The following GPC6 variants were observed in gnomAD, a reference collection of about 807,000 sequenced individuals.
GPC6 encodes glypican 6.
Under a neutral mutation model 55.2 loss-of-function variants are expected in GPC6, and 14 were observed. That is an observed-to-expected ratio of 0.25 (90% confidence interval 0.17 to 0.40). GPC6 has a LOEUF of 0.40. Among genes scored for constraint, GPC6 ranks in the 10% least tolerant of loss-of-function variants. The pLI is 1.00. For missense variants in GPC6, 641 were observed against 708.5 expected, an observed-to-expected ratio of 0.90 and a Z score of 1.08; for synonymous variants, 278 against 259.6, an observed-to-expected ratio of 1.07 and a Z score of -0.68.
chr13:93,312,133 G>A (rs780260681), intron 1 of GPC6, among the ~76,000 whole-genome samples: 15 of 152,086 alleles, frequency 9.9e-5, no homozygotes, highest in Non-Finnish European at 1.9e-4. Context: ...CAAACAAACA[G>A]CTTCTCTTTT....
intron 2 of GPC6, among the ~76,000 whole-genome samples, chr13:93,675,202 T>G (rs1401703970): frequency 6.6e-6 from 1 of 152,166 alleles, no homozygotes; most frequent in Admixed American, 6.6e-5. Flanking sequence ...CTAATGTTTA[T>G]GCAACTCCAG....
At chr13:94,045,412 A>T (rs936581682) in intron 4 of GPC6, among the ~76,000 whole-genome samples, 2 of 152,086 alleles carry the variant, frequency 1.3e-5, no homozygotes, top group Middle Eastern at 3.4e-3. Context: ...TTATTTAAAA[A>T]AATTCAAATA....
intron 3 of GPC6, among the ~76,000 whole-genome samples, chr13:93,947,967 A>G (rs1879087143): frequency 6.6e-6 from 1 of 152,146 alleles, no homozygotes; most frequent in South Asian, 2.1e-4. Context: ...AATTTAAGTG[A>G]CATACTTAAT....
At chr13:93,872,161 A>G (rs368152122) in intron 3 of GPC6, among the ~76,000 whole-genome samples, 8 of 151,934 alleles carry the variant, frequency 5.3e-5, no homozygotes, top group African/African-American at 1.4e-4. Context: ...GGAAATTTCA[A>G]TAGTACCCTG....
chr13:93,780,402 A>G (rs1052130292), intron 2 of GPC6, among the ~76,000 whole-genome samples: 1 of 151,906 alleles, frequency 6.6e-6, no homozygotes, highest in African/African-American at 2.4e-5. Context: ...TTGTGGATTT[A>G]TTTTTTCCAA....
At chr13:94,229,198 A>T (rs1890645925) in intron 4 of GPC6, among the ~76,000 whole-genome samples, 1 of 152,160 alleles carries the variant, frequency 6.6e-6, no homozygotes, top group South Asian at 2.1e-4. Context: ...ACATTTAATT[A>T]TTCCTTTCAT....
chr13:94,291,390 G>A (rs1874968301), intron 5 of GPC6, among the ~76,000 whole-genome samples: 1 of 151,444 alleles, frequency 6.6e-6, no homozygotes, highest in African/African-American at 2.4e-5. Flanking sequence ...CAGGAAAGAG[G>A]GAAAGGAAGC....
chr13:93,919,356 A>G (rs1436236329), intron 3 of GPC6, among the ~76,000 whole-genome samples: 2 of 152,204 alleles, frequency 1.3e-5, no homozygotes, highest in African/African-American at 4.8e-5. Context: ...AATCCTAGCC[A>G]AGTGCCTTTT....
chr13:94,065,398 C>T (rs1257220431), intron 4 of GPC6, among the ~76,000 whole-genome samples: 2 of 152,086 alleles, frequency 1.3e-5, no homozygotes, highest in African/African-American at 2.4e-5. Context: ...GGTTAACTGA[C>T]CTTTAGGAAG....
intron 3 of GPC6, among the ~76,000 whole-genome samples, chr13:93,962,456 C>T (rs541661685): frequency 6.6e-6 from 1 of 152,088 alleles, no homozygotes; most frequent in East Asian, 1.9e-4. Flanking sequence ...CCTGGATTCT[C>T]TCTTGTTCAT....
intron 6 of GPC6, among the ~76,000 whole-genome samples, chr13:94,352,809 A>T (rs117074185): frequency 9.8e-5 from 15 of 152,320 alleles, no homozygotes; most frequent in Non-Finnish European, 1.5e-4. Flanking sequence ...CACTAACTCA[A>T]GATAGACCAG....
intron 2 of GPC6, among the ~76,000 whole-genome samples, chr13:93,698,671 A>T (rs1882559389): frequency 6.6e-6 from 1 of 151,888 alleles, no homozygotes; most frequent in South Asian, 2.1e-4. Flanking sequence ...ACTTTAAAAA[A>T]TATGTCTGCC....
chr13:94,171,232 A>G (rs1208776876), intron 4 of GPC6, among the ~76,000 whole-genome samples: 4 of 152,186 alleles, frequency 2.6e-5, no homozygotes, highest in Non-Finnish European at 4.4e-5. Flanking sequence ...ATAAATCAGT[A>G]AGACTGAATT....
rs185952951 is a variant in GPC6, at chr13:93,741,162, C to T, written c.320-88992C>T. On this transcript the variant is annotated intron_variant, in intron 2 of 8. Transcript: ENST00000377047. ...TTTTTGAGACGAAATCTCCCTCTGT[C>T]GCCCAGGTTGGAGTGCATCTGGGCT... Among the ~76,000 whole-genome samples, 670 of 115,404 alleles carry T rather than the reference C, an allele frequency of 5.8e-3. 5 individuals are homozygous for T. The highest frequency in any genetic ancestry group is 0.024 in the Middle Eastern group (2 of 84). The allele number at this position is 115,404 out of a possible 152,430, so 75.7% of individuals were successfully genotyped here.
chr13:93,332,540 C>A, intron 1 of GPC6, among the ~76,000 whole-genome samples: 1 of 151,956 alleles, frequency 6.6e-6, no homozygotes, highest in East Asian at 1.9e-4. Context: ...ATCATTTGCC[C>A]ATTTAAAAAA....
At chr13:93,355,610 G>T (rs1419256109) in intron 1 of GPC6, among the ~76,000 whole-genome samples, 1 of 152,192 alleles carries the variant, frequency 6.6e-6, no homozygotes, top group East Asian at 1.9e-4. Context: ...TCAAGGTGAA[G>T]TGTTTCTTAA....
chr13:93,962,545 G>A (rs980510716), intron 3 of GPC6, among the ~76,000 whole-genome samples: 1 of 151,992 alleles, frequency 6.6e-6, no homozygotes, highest in Non-Finnish European at 1.5e-5. Context: ...ATACAGAAAC[G>A]AATAAGTGCA....
At chr13:93,326,237 G>C (rs1235199329) in intron 1 of GPC6, among the ~76,000 whole-genome samples, 3 of 152,156 alleles carry the variant, frequency 2.0e-5, no homozygotes, top group Non-Finnish European at 4.4e-5. Flanking sequence ...GTATAGGCCA[G>C]TGCTTCTTAG....
At chr13:94,263,102 T>C (rs1891701556) in intron 4 of GPC6, among the ~76,000 whole-genome samples, 1 of 152,188 alleles carries the variant, frequency 6.6e-6, no homozygotes, top group Non-Finnish European at 1.5e-5. Context: ...CAACAACCCA[T>C]TTTACCGATT....
Sources: gnomAD v4.1 joint callset for allele counts (sites outside exome capture counted in the v4.1 genomes callset) on GRCh38, gnomAD v4.1.1 for gene constraint, MANE v1.5 for transcripts, NCBI Gene and HGNC (gene_info 2026-07-23, HGNC 2026-07-21) for gene names.